Variants in MACROD2 observed in about 807,000 individuals in gnomAD.
The protein encoded by MACROD2 is ADP-ribose glycohydrolase MACROD2.
A neutral mutation model predicts 70.4 loss-of-function variants in MACROD2; 36 were observed. The ratio of observed to expected loss-of-function variants is 0.51; its 90% confidence interval spans 0.39 to 0.68. The LOEUF (loss-of-function observed/expected upper bound fraction) is 0.68, where lower values mean the gene tolerates loss of function less well. Ranked by LOEUF, MACROD2 falls within the 30% of genes least tolerant of loss-of-function variation. MACROD2 has a pLI of 0.00. For synonymous variants in MACROD2, 172 were observed against 178.8 expected (o/e 0.96, Z 0.30); for missense variants, 496 against 538.4 (o/e 0.92, Z 0.78).
At chr20:14,859,919 C>A (rs73089907) in intron 5 of MACROD2, among the ~76,000 whole-genome samples, 1 of 152,242 alleles carries the variant, frequency 6.6e-6, no homozygotes, top group Non-Finnish European at 1.5e-5. Flanking sequence ...CTCTGTCCAG[C>A]ATCCTGATTT....
intron 3 of MACROD2, among the ~76,000 whole-genome samples, chr20:14,133,402 G>T (rs2054745889): frequency 6.6e-6 from 1 of 152,084 alleles, no homozygotes; most frequent in Admixed American, 6.5e-5. Context: ...TTGTAAATAT[G>T]TTATTTTTCC....
At chr20:14,464,784 C>T (rs1222232577) in intron 3 of MACROD2, among the ~76,000 whole-genome samples, 9 of 152,098 alleles carry the variant, frequency 5.9e-5, no homozygotes, top group Admixed American at 2.0e-4. Context: ...GCCTTCATTT[C>T]GTTATGTACC....
At chr20:14,254,376 T>C (rs947632350) in intron 3 of MACROD2, among the ~76,000 whole-genome samples, 2 of 151,974 alleles carry the variant, frequency 1.3e-5, no homozygotes, top group Admixed American at 6.6e-5. Context: ...GAAGTGTCAT[T>C]TTTAATAATT....
At position 15,424,088 on chromosome 20, in the gene MACROD2, A is replaced by G. The variant is rs371112816; in HGVS notation, c.541-7317A>G. 4.9e-4 allele frequency among the ~76,000 whole-genome samples: 75 copies of G among 152,146 alleles called. 1 individual carries two copies. The South Asian group carries it at 0.015, about 29-fold the overall frequency. On this transcript the variant is annotated intron_variant, in intron 6 of 17. Coordinates refer to ENST00000684519, the MANE Select transcript of MACROD2 (RefSeq NM_001351661.2). ...TCCCACTCATGAGGCCTCCACCCTC[A>G]TGACCTAATCACCTCCCAAAGGCCC...
intron 8 of MACROD2, among the ~76,000 whole-genome samples, chr20:15,627,379 C>T (rs1227346111): frequency 3.3e-5 from 5 of 152,106 alleles, no homozygotes; most frequent in East Asian, 1.9e-4. Flanking sequence ...ATAAAGACCA[C>T]GGCATTGCGG....
intron 3 of MACROD2, among the ~76,000 whole-genome samples, chr20:14,229,386 ACAACT>A (rs1260271413): frequency 2.0e-5 from 3 of 152,244 alleles, no homozygotes; most frequent in East Asian, 1.9e-4. Context: ...CAATAAGAAA[ACAACT>A]CAAGTAAAAA....
chr20:15,143,507 T>C (rs2076207732), intron 5 of MACROD2, among the ~76,000 whole-genome samples: 2 of 152,180 alleles, frequency 1.3e-5, no homozygotes. Flanking sequence ...GCAGAAGCTC[T>C]TTAGTTTAAT....
intron 3 of MACROD2, among the ~76,000 whole-genome samples, chr20:14,227,071 T>TCAG (rs1457638348): frequency 6.6e-6 from 1 of 152,134 alleles, no homozygotes; most frequent in African/African-American, 2.4e-5. Flanking sequence ...AACACACCAA[T>TCAG]CAGCACCCTG....
intron 5 of MACROD2, among the ~76,000 whole-genome samples, chr20:15,204,295 G>A (rs1466555745): frequency 6.6e-6 from 1 of 152,088 alleles, no homozygotes; most frequent in Non-Finnish European, 1.5e-5. Context: ...TCGAGTGCAA[G>A]TCATTATGTG....
chr20:14,227,449 G>A (rs995343800), intron 3 of MACROD2, among the ~76,000 whole-genome samples: 3 of 151,980 alleles, frequency 2.0e-5, no homozygotes, highest in African/African-American at 7.3e-5. Flanking sequence ...GCGAGACCAC[G>A]CACCCACCGG....
chr20:14,737,119 A>G (rs2071675679), intron 5 of MACROD2, among the ~76,000 whole-genome samples: 1 of 151,862 alleles, frequency 6.6e-6, no homozygotes, highest in Non-Finnish European at 1.5e-5. Flanking sequence ...CCACCACCCA[A>G]CAGGCCCTGG....
intron 4 of MACROD2, among the ~76,000 whole-genome samples, chr20:14,511,333 T>C (rs996880622): frequency 2.0e-5 from 3 of 152,108 alleles, no homozygotes; most frequent in Non-Finnish European, 2.9e-5. Context: ...CCATTCTCCA[T>C]GATGCTGTTA....
chr20:15,260,282 C>T (rs1277339450), intron 6 of MACROD2, among the ~76,000 whole-genome samples: 2 of 151,308 alleles, frequency 1.3e-5, no homozygotes, highest in Non-Finnish European at 3.0e-5. Flanking sequence ...TTTATCCCCC[C>T]TCCCCACTTC....
intron 5 of MACROD2, among the ~76,000 whole-genome samples, chr20:14,722,928 G>A (rs1362949741): frequency 6.6e-6 from 1 of 152,106 alleles, no homozygotes; most frequent in African/African-American, 2.4e-5. Flanking sequence ...CGTAAGAAAT[G>A]ACTTGTCAGC....
At chr20:15,935,582 G>GA (rs1454404005) in intron 11 of MACROD2, among the ~76,000 whole-genome samples, 2 of 152,100 alleles carry the variant, frequency 1.3e-5, no homozygotes, top group East Asian at 1.9e-4. Context: ...TACACGTCAT[G>GA]AAAAAACACA....
intron 4 of MACROD2, among the ~76,000 whole-genome samples, chr20:14,577,649 G>C (rs1001467436): frequency 1.3e-5 from 2 of 152,046 alleles, no homozygotes; most frequent in Non-Finnish European, 2.9e-5. Flanking sequence ...AGGCATGGTG[G>C]TGTGTGTCTG....
At chr20:14,746,039 A>C (rs556331005) in intron 5 of MACROD2, among the ~76,000 whole-genome samples, 1 of 152,258 alleles carries the variant, frequency 6.6e-6, no homozygotes, top group South Asian at 2.1e-4. Flanking sequence ...GCTGCTCTCA[A>C]ATTACCACCT....
At chr20:15,030,443 G>T (rs538834664) in intron 5 of MACROD2, among the ~76,000 whole-genome samples, 15 of 152,264 alleles carry the variant, frequency 9.9e-5, no homozygotes, top group African/African-American at 3.4e-4. Flanking sequence ...CTGCTTAATT[G>T]CCCTTCGGTA....
chr20:14,683,590 C>T (rs1169798487), intron 4 of MACROD2, among the ~76,000 whole-genome samples: 1 of 152,184 alleles, frequency 6.6e-6, no homozygotes, highest in Non-Finnish European at 1.5e-5. Flanking sequence ...CCCTGGAACA[C>T]TTGTGAGGCC....
Sources: allele counts gnomAD v4.1 joint callset (sites outside exome capture counted in the v4.1 genomes callset), GRCh38; gene constraint gnomAD v4.1.1; transcripts MANE v1.5; gene names NCBI Gene and HGNC (gene_info 2026-07-23, HGNC 2026-07-21).